Variants in CCDC144A observed in about 807,000 individuals in gnomAD.
The protein encoded by CCDC144A is coiled-coil domain containing 144A.
CCDC144A carries 41 observed loss-of-function variants against 143.8 expected under a neutral mutation model. The ratio of observed to expected loss-of-function variants is 0.29; its 90% CI spans 0.22 to 0.37. The LOEUF (loss-of-function observed/expected upper bound fraction) is 0.37, where lower values mean the gene tolerates loss of function less well. Among genes scored for constraint, CCDC144A ranks in the 10% least tolerant of loss-of-function variants. CCDC144A has a pLI of 1.00. For missense variants in CCDC144A, 637 were observed against 1,488.8 expected (o/e 0.43, Z 9.41); for synonymous variants, 242 against 517.9 (o/e 0.47, Z 7.23).
At chr17:16,686,747 AACACACACAC>A (rs142329474), upstream of CCDC144A, among the ~76,000 whole-genome samples, 18,437 of 140,426 alleles carry the variant, frequency 0.13, 1,302 homozygotes, top group East Asian at 0.3. Flanking sequence ...CACACACACA[AACACACACAC>A]ACACACACAC....
At chr17:16,682,251 CAGAG>C in the CCDC144A span, among the ~76,000 whole-genome samples, 5 of 138,806 alleles carry the variant, frequency 3.6e-5, no homozygotes, top group African/African-American at 1.3e-4. Context: ...GATGGAGAGA[CAGAG>C]AGAGAGAGAA....
intron 2 of CCDC144A, among the ~76,000 whole-genome samples, chr17:16,693,546 A>G (rs1041737129): frequency 6.6e-6 from 1 of 152,050 alleles, no homozygotes; most frequent in Non-Finnish European, 1.5e-5. Flanking sequence ...CGATCTCCTG[A>G]CCTCATGATC....
chr17:16,721,869 C>T (rs1457082685), intron 8 of CCDC144A, among the ~76,000 whole-genome samples: 1 of 152,126 alleles, frequency 6.6e-6, no homozygotes, highest in African/African-American at 2.4e-5. Context: ...TTTACCCATC[C>T]CTATTATGTG....
the CCDC144A span, among the ~76,000 whole-genome samples, chr17:16,683,190 C>T: frequency 1.3e-5 from 2 of 152,004 alleles, no homozygotes; most frequent in East Asian, 3.9e-4. Context: ...TCTTGAAAAT[C>T]AAGAAGGGTT....
intron 9 of CCDC144A, among the ~76,000 whole-genome samples, chr17:16,728,246 A>C (rs1913529187): frequency 1.3e-5 from 2 of 152,196 alleles, no homozygotes; most frequent in South Asian, 4.1e-4. Flanking sequence ...TGTGTTGCTC[A>C]GGATGATCTC....
intron 8 of CCDC144A, among the ~76,000 whole-genome samples, chr17:16,726,504 C>A (rs1913434313): frequency 6.6e-6 from 1 of 151,120 alleles, no homozygotes; most frequent in Non-Finnish European, 1.5e-5. Flanking sequence ...TCTGATCTTG[C>A]TTTTATGATT....
intron 15 of CCDC144A, among the ~76,000 whole-genome samples, chr17:16,770,310 C>T (rs3874849): frequency 0.16 from 24,070 of 150,060 alleles, 2,234 homozygotes; most frequent in African/African-American, 0.35. Context: ...CCACCATGCC[C>T]GGCTAATTTT....
the CCDC144A span, among the ~76,000 whole-genome samples, chr17:16,680,542 GAAGA>G: frequency 4.8e-5 from 7 of 145,158 alleles, no homozygotes; most frequent in African/African-American, 7.7e-5. Flanking sequence ...AGCAAAACCT[GAAGA>G]AAGAAAGAAA....
chr17:16,747,797 T>G (rs1914606043), intron 12 of CCDC144A, among the ~76,000 whole-genome samples: 1 of 152,222 alleles, frequency 6.6e-6, no homozygotes, highest in Non-Finnish European at 1.5e-5. Context: ...CTGACTGAAG[T>G]CATTTATCAG....
At chr17:16,670,088 G>A in the CCDC144A span, among the ~76,000 whole-genome samples, 4 of 151,706 alleles carry the variant, frequency 2.6e-5, no homozygotes, top group Non-Finnish European at 5.9e-5. Context: ...GGCTGAGGCA[G>A]GAGAATCCCT....
At chr17:16,766,718 C>T (rs1467069251) in intron 15 of CCDC144A, among the ~76,000 whole-genome samples, 3 of 151,446 alleles carry the variant, frequency 2.0e-5, no homozygotes, top group African/African-American at 4.9e-5. Flanking sequence ...CCAACCTGGG[C>T]GACAGAGCAA....
At chr17:16,704,036 A>G (rs1266747771) in intron 2 of CCDC144A, among the ~76,000 whole-genome samples, 2 of 152,256 alleles carry the variant, frequency 1.3e-5, no homozygotes, top group African/African-American at 4.8e-5. Flanking sequence ...TTCTCAGATC[A>G]TAATTTAGAG....
chr17:16,712,310 T>C (rs900794492), intron 6 of CCDC144A, among the ~76,000 whole-genome samples: 2 of 152,132 alleles, frequency 1.3e-5, no homozygotes, highest in African/African-American at 4.8e-5. Context: ...TTTCTAATCA[T>C]ATTGATATTT....
At chr17:16,767,892 G>A (rs1442118497) in intron 15 of CCDC144A, among the ~76,000 whole-genome samples, 19 of 152,220 alleles carry the variant, frequency 1.2e-4, no homozygotes, top group African/African-American at 4.3e-4. Context: ...ACCAAACTGA[G>A]AGTCGGGCTG....
At chr17:16,668,783 T>C in the CCDC144A span, among the ~76,000 whole-genome samples, 574 of 152,330 alleles carry the variant, frequency 3.8e-3, 6 homozygotes, top group African/African-American at 0.013. Context: ...TTTCACAGCC[T>C]TGGAGGCTGG....
chr17:16,763,951 T>G lies in CCDC144A; in HGVS notation c.3888-14T>G, dbSNP rs1410432774. 2 of 1,598,318 alleles carry G rather than the reference T, an allele frequency of 1.3e-6. No individual in the cohort carries two copies. The highest frequency in any genetic ancestry group is 1.7e-6 in the Non-Finnish European group (2 of 1,174,520). ...AATGAAATACTAAGCATTTGTCTTT[T>G]TCAATCTTCATAGAACTAATGAGAT... On this transcript the variant is annotated splice_polypyrimidine_tract_variant and intron_variant, in intron 14 of 16. Transcript: ENST00000399273.
chr17:16,682,900 T>TG, the CCDC144A span, among the ~76,000 whole-genome samples: 4 of 118,262 alleles, frequency 3.4e-5, no homozygotes, highest in East Asian at 2.3e-4. Context: ...TTTTTTTTTT[T>TG]TTTTTTTTTT....
At chr17:16,688,530 C>T (rs946318661), upstream of CCDC144A, among the ~76,000 whole-genome samples, 5 of 142,348 alleles carry the variant, frequency 3.5e-5, no homozygotes, top group African/African-American at 1.1e-4. Flanking sequence ...AGCCCTGTCG[C>T]CAGGCTGGAG....
intron 15 of CCDC144A, among the ~76,000 whole-genome samples, chr17:16,769,036 T>A (rs1462572378): frequency 6.6e-6 from 1 of 152,178 alleles, no homozygotes; most frequent in Non-Finnish European, 1.5e-5. Flanking sequence ...TGATAACTAA[T>A]GGGAGGATGT....
Sources: allele counts gnomAD v4.1 joint callset (sites outside exome capture counted in the v4.1 genomes callset), GRCh38; gene constraint gnomAD v4.1.1; transcripts MANE v1.5; gene names NCBI Gene and HGNC (gene_info 2026-07-23, HGNC 2026-07-21).